Variants in LAMA2 observed in about 807,000 individuals in gnomAD.
LAMA2 encodes the protein laminin subunit alpha 2, also known as laminin subunit alpha-2.
LAMA2 carries 269 observed loss-of-function variants against 364.8 expected under a neutral mutation model. The ratio of observed to expected loss-of-function variants is 0.74; its 90% confidence interval spans 0.67 to 0.82. The LOEUF (loss-of-function observed/expected upper bound fraction) is 0.82, where lower values mean the gene tolerates loss of function less well. Among genes scored for constraint, LAMA2 ranks in the 40% least tolerant of loss-of-function variants. The pLI is 0.00. For synonymous variants in LAMA2, 1,379 were observed against 1,370.6 expected, an observed-to-expected ratio of 1.01 and a Z score of -0.14; for missense variants, 3,807 against 3,873.2, an observed-to-expected ratio of 0.98 and a Z score of 0.45.
chr6:129,043,242 T>C (rs1310618146), intron 1 of LAMA2, among the ~76,000 whole-genome samples: 1 of 152,208 alleles, frequency 6.6e-6, no homozygotes, highest in Non-Finnish European at 1.5e-5. Context: ...TACTGTGATC[T>C]CTCACCCACC....
chr6:128,962,381 G>C (rs912557903), intron 1 of LAMA2, among the ~76,000 whole-genome samples: 1 of 151,512 alleles, frequency 6.6e-6, no homozygotes, highest in Non-Finnish European at 1.5e-5. Context: ...CTGTGATTCT[G>C]AGCCCTATCT....
chr6:129,373,593 A>G (rs1484199300), intron 34 of LAMA2, among the ~76,000 whole-genome samples: 5 of 152,186 alleles, frequency 3.3e-5, no homozygotes, highest in Non-Finnish European at 4.4e-5. Context: ...GATCCCATGC[A>G]GGATACTACA....
intron 29 of LAMA2, among the ~76,000 whole-genome samples, chr6:129,329,202 A>C (rs1775478052): frequency 6.6e-6 from 1 of 152,122 alleles, no homozygotes; most frequent in African/African-American, 2.4e-5. Flanking sequence ...TTCTGAAACC[A>C]TTCTACTGAG....
chr6:129,081,424 G>A (rs1774050606), intron 3 of LAMA2, among the ~76,000 whole-genome samples: 1 of 152,034 alleles, frequency 6.6e-6, no homozygotes, highest in South Asian at 2.1e-4. Context: ...AAAATGAAAT[G>A]TCCGTATATT....
At chr6:129,363,980 G>C (rs1246489197) in intron 32 of LAMA2, among the ~76,000 whole-genome samples, 1 of 152,162 alleles carries the variant, frequency 6.6e-6, no homozygotes, top group Non-Finnish European at 1.5e-5. Flanking sequence ...TTCTGGCTAG[G>C]AGAAGAGTAA....
In LAMA2 at chr6:129,280,155, T is replaced by G. The variant is rs1442415534; in HGVS notation, c.2537+8T>G. ...AGGACCACGCTGTGAGAGGTAAGAG[T>G]ATACTACACTGTCTTGCAAAATGAT... On this transcript the variant is annotated splice_region_variant and intron_variant, in intron 18 of 64. Coordinates refer to ENST00000421865, the MANE Select transcript of LAMA2 (RefSeq NM_000426.4). The G allele has an allele frequency of 6.5e-7, 1 of 1,541,810 alleles. No individual in the cohort carries two copies. The highest frequency in any genetic ancestry group is 2.2e-5 in the East Asian group (1 of 44,532).
chr6:129,112,748 G>A (rs1280388184), intron 4 of LAMA2, among the ~76,000 whole-genome samples: 1 of 151,630 alleles, frequency 6.6e-6, no homozygotes, highest in Non-Finnish European at 1.5e-5. Context: ...AAAAACTGTA[G>A]TGACTTGTCT....
intron 1 of LAMA2, among the ~76,000 whole-genome samples, chr6:128,985,195 T>G (rs146007487): frequency 9.0e-4 from 137 of 152,234 alleles, no homozygotes; most frequent in African/African-American, 3.2e-3. Context: ...TGCTTGTGCA[T>G]ATTGGAAAGA....
At chr6:129,156,651 A>C (rs1171104901) in intron 8 of LAMA2, among the ~76,000 whole-genome samples, 3 of 152,174 alleles carry the variant, frequency 2.0e-5, no homozygotes, top group Admixed American at 6.5e-5. Flanking sequence ...TTTCTCTGTA[A>C]GCATGGTTCA....
chr6:129,030,939 T>TA (rs951430816), intron 1 of LAMA2, among the ~76,000 whole-genome samples: 6 of 151,966 alleles, frequency 3.9e-5, no homozygotes, highest in Middle Eastern at 3.4e-3. Flanking sequence ...AATGTTGGTT[T>TA]AAAAAAAATG....
intron 5 of LAMA2, among the ~76,000 whole-genome samples, chr6:129,145,364 G>A (rs1256507998): frequency 6.6e-6 from 1 of 151,986 alleles, no homozygotes; most frequent in Non-Finnish European, 1.5e-5. Context: ...TTCCAAACTT[G>A]AAATAATTTC....
intron 1 of LAMA2, among the ~76,000 whole-genome samples, chr6:128,955,063 T>G (rs1781060363): frequency 6.6e-6 from 1 of 151,910 alleles, no homozygotes; most frequent in Non-Finnish European, 1.5e-5. Context: ...TGCATTTTTT[T>G]TATCCATAGT....
intron 17 of LAMA2, among the ~76,000 whole-genome samples, chr6:129,271,314 A>G (rs1787917755): frequency 6.6e-6 from 1 of 152,076 alleles, no homozygotes; most frequent in South Asian, 2.1e-4. Context: ...AACAACAACA[A>G]GAAAGAACAC....
At chr6:129,260,446 A>G (rs1398256960) in intron 14 of LAMA2, among the ~76,000 whole-genome samples, 2 of 152,114 alleles carry the variant, frequency 1.3e-5, no homozygotes, top group African/African-American at 4.8e-5. Flanking sequence ...AAATCAAAAC[A>G]CATAGCCAAG....
chr6:129,436,953 T>G (rs962879367), intron 41 of LAMA2: 4 of 152,122 alleles, frequency 2.6e-5, no homozygotes, highest in Admixed American at 2.6e-4. Flanking sequence ...TAATTACAAC[T>G]TGGTTATATA....
At chr6:129,072,349 C>T (rs1773372440) in intron 3 of LAMA2, among the ~76,000 whole-genome samples, 1 of 151,988 alleles carries the variant, frequency 6.6e-6, no homozygotes. Flanking sequence ...GCCAGCAGTA[C>T]TTCTATCTTT....
Position 129,190,223 on chromosome 6 carries a change from G to C in LAMA2, c.1486G>C (p.Asp496His). The C allele has an allele frequency of 6.2e-7, 1 of 1,613,606 alleles. No individual in the cohort carries two copies. The highest frequency in any genetic ancestry group is 1.1e-5 in the South Asian group (1 of 91,062). ...TTTGCAGGAAAATGTTGAAGGAGGA[G>C]ACTGTAGTCGTTGCAAATCCGGCTT... ...CICKENVEGG[D>H]CSRCKSGFFN... The change falls in exon 11 of 65, where the codon GAC (aspartate) becomes CAC (histidine). Residue 496 changes from aspartate to histidine, a missense_variant. Around this residue, in one of 3 missense-constraint regions of LAMA2, gnomAD observed 3,333 missense variants for 3,345.7 expected, o/e 1.00. Coordinates refer to ENST00000421865, the MANE Select transcript of LAMA2 (RefSeq NM_000426.4).
rs560445624 is a variant in LAMA2, at chr6:129,190,243, C to T, written c.1506C>T (p.Ser502=). 142 of 1,613,494 alleles carry T rather than the reference C, an allele frequency of 8.8e-5. No homozygotes were observed. The highest frequency in any genetic ancestry group is 1.1e-4 in the Non-Finnish European group (126 of 1,179,540). ...GAGGAGACTGTAGTCGTTGCAAATC[C>T]GGCTTCTTCAATTTGCAAGAGGATA... is the stretch of plus-strand genomic sequence containing the variant. ...VEGGDCSRCK[S]GFFNLQEDNW... The change falls in exon 11 of 65, where the codon TCC becomes TCT. Residue 502 remains serine, a synonymous_variant. Transcript: ENST00000421865.
chr6:129,453,609 CA>C (rs1391981575), intron 46 of LAMA2, among the ~76,000 whole-genome samples: 7 of 152,050 alleles, frequency 4.6e-5, no homozygotes, highest in Non-Finnish European at 8.8e-5. Context: ...ATTATATCTA[CA>C]AAAGCCCACC....
Sources: gnomAD v4.1 joint callset for allele counts (sites outside exome capture counted in the v4.1 genomes callset) on GRCh38, gnomAD v4.1.1 for gene constraint, gnomAD v4.1.1 regional missense constraint, MANE v1.5 for transcripts, NCBI Gene and HGNC (gene_info 2026-07-23, HGNC 2026-07-21) for gene names.